Variants in KLHL32 observed in about 807,000 individuals in gnomAD.
KLHL32 encodes kelch-like protein 32.
In KLHL32, 35 loss-of-function variants were observed where a neutral mutation model predicts 64.8. That is an observed-to-expected ratio of 0.54 (90% CI 0.41 to 0.72). The LOEUF is 0.72. KLHL32 is among the 30% of genes least tolerant of loss of function. The probability of loss-of-function intolerance (pLI) is 0.00; values close to 1 mark genes in which losing one functional copy is unlikely to be tolerated. For missense variants in KLHL32, 589 were observed against 768.5 expected, an observed-to-expected ratio of 0.77 and a Z score of 2.76; for synonymous variants, 259 against 281.0, an observed-to-expected ratio of 0.92 and a Z score of 0.78.
At chr6:96,994,742 T>A in intron 3 of KLHL32, 1 of 633,894 alleles carries the variant, frequency 1.6e-6, no homozygotes, top group Non-Finnish European at 2.0e-6. Context: ...AGCCAGATAA[T>A]AATGCTTTAA....
chr6:97,041,673 A>G, intron 4 of KLHL32, 74 bp downstream of exon 4: 2 of 863,160 alleles, frequency 2.3e-6, no homozygotes, highest in Non-Finnish European at 3.8e-6. Context: ...TCCTTGAGGT[A>G]TGAGATTTAG....
chr6:97,003,616 G>T (rs943809211), intron 3 of KLHL32, among the ~76,000 whole-genome samples: 1 of 152,032 alleles, frequency 6.6e-6, no homozygotes, highest in Admixed American at 6.6e-5. Flanking sequence ...AGGATTTTTA[G>T]AGTTTTAGGT....
At chr6:97,036,432 T>A (rs1737634) in intron 3 of KLHL32, among the ~76,000 whole-genome samples, 27,346 of 152,212 alleles carry the variant, frequency 0.18, 2,932 homozygotes, top group African/African-American at 0.31. Flanking sequence ...ACATTTCATG[T>A]TCCTTGTAGC....
intron 3 of KLHL32, among the ~76,000 whole-genome samples, chr6:97,013,217 G>A (rs1337005792): frequency 6.6e-6 from 1 of 152,192 alleles, no homozygotes; most frequent in Non-Finnish European, 1.5e-5. Context: ...CATAGAAGAT[G>A]CAGATTTTAA....
chr6:96,968,088 C>G (rs192619202), intron 2 of KLHL32, among the ~76,000 whole-genome samples: 3 of 152,274 alleles, frequency 2.0e-5, no homozygotes, highest in East Asian at 3.9e-4. Flanking sequence ...TTCCATGACT[C>G]TGAAGCTATT....
intron 1 of KLHL32, among the ~76,000 whole-genome samples, chr6:96,938,551 G>A (rs2127997264): frequency 6.6e-6 from 1 of 152,246 alleles, no homozygotes; most frequent in South Asian, 2.1e-4. Flanking sequence ...GGCTGCCTGT[G>A]GACCACACTG....
chr6:97,071,010 C>T lies in KLHL32; in HGVS notation c.411+6284C>T, dbSNP rs542502311. Among the ~76,000 whole-genome samples, 7 of 152,272 alleles carry T rather than the reference C, an allele frequency of 4.6e-5. No individual in the cohort carries two copies. In the East Asian group the frequency reaches 7.7e-4, roughly 17 times the overall value. Reference sequence around the variant, plus strand: ...TTTCTGCTCCTTATTCCATCAGTTACGCCCTGTGTTTCCTCTGGTTTTGAT... The same window carrying T: ...TTTCTGCTCCTTATTCCATCAGTTATGCCCTGTGTTTCCTCTGGTTTTGAT... On this transcript the variant is annotated intron_variant, in intron 5 of 10. Transcript: ENST00000369261.
At chr6:97,124,351 A>G (rs1160610068) in intron 7 of KLHL32, among the ~76,000 whole-genome samples, 2 of 152,184 alleles carry the variant, frequency 1.3e-5, no homozygotes, top group Non-Finnish European at 2.9e-5. Context: ...AAACATTGTC[A>G]TTTGAGTGAA....
chr6:96,974,103 T>A (rs1375793960), intron 2 of KLHL32, among the ~76,000 whole-genome samples: 1 of 152,146 alleles, frequency 6.6e-6, no homozygotes, highest in Non-Finnish European at 1.5e-5. Flanking sequence ...ATACCGGATC[T>A]TGGACCTTCA....
intron 3 of KLHL32, among the ~76,000 whole-genome samples, chr6:96,988,006 G>T (rs1179503760): frequency 6.6e-6 from 1 of 152,198 alleles, no homozygotes; most frequent in African/African-American, 2.4e-5. Flanking sequence ...AACCCTAGAA[G>T]AAAACTTAGG....
At chr6:97,032,649 G>A (rs1469122807) in intron 3 of KLHL32, among the ~76,000 whole-genome samples, 4 of 152,016 alleles carry the variant, frequency 2.6e-5, no homozygotes, top group South Asian at 4.1e-4. Flanking sequence ...CAAGCAGGCC[G>A]TCAGCACATC....
intron 1 of KLHL32, among the ~76,000 whole-genome samples, chr6:96,927,346 G>A (rs888419949): frequency 9.2e-5 from 14 of 152,184 alleles, no homozygotes; most frequent in African/African-American, 3.4e-4. Context: ...AGATAATTAG[G>A]TAAAACCCAC....
intron 1 of KLHL32, among the ~76,000 whole-genome samples, chr6:96,930,618 T>G (rs1769746444): frequency 6.6e-6 from 1 of 152,128 alleles, no homozygotes; most frequent in African/African-American, 2.4e-5. Flanking sequence ...TTAAATTTCC[T>G]GAGCCATATA....
At chr6:97,112,677 C>T (rs987846851) in intron 6 of KLHL32, among the ~76,000 whole-genome samples, 1 of 151,764 alleles carries the variant, frequency 6.6e-6, no homozygotes, top group African/African-American at 2.4e-5. Flanking sequence ...AAACCCTTGA[C>T]CTCTTGATCT....
At chr6:97,100,029 C>T (rs1206287788) in intron 6 of KLHL32, among the ~76,000 whole-genome samples, 1 of 152,018 alleles carries the variant, frequency 6.6e-6, no homozygotes, top group Non-Finnish European at 1.5e-5. Flanking sequence ...CCTGTAATCC[C>T]AGCTACTCAG....
intron 3 of KLHL32, among the ~76,000 whole-genome samples, chr6:97,002,073 C>G (rs1779103781): frequency 1.3e-5 from 2 of 152,168 alleles, no homozygotes; most frequent in Non-Finnish European, 2.9e-5. Flanking sequence ...GCTGGAAACC[C>G]AGGAGAGCTG....
At chr6:96,941,698 T>A (rs1045868541) in intron 1 of KLHL32, among the ~76,000 whole-genome samples, 1 of 152,178 alleles carries the variant, frequency 6.6e-6, no homozygotes, top group Non-Finnish European at 1.5e-5. Flanking sequence ...CAGGAGCCTC[T>A]GTGGGGTTCC....
At chr6:96,994,591 CT>C (rs1778224487) in intron 3 of KLHL32, 1 of 985,232 alleles carries the variant, frequency 1.0e-6, no homozygotes. Flanking sequence ...TTTGATGGAT[CT>C]TTTCCTTTAT....
chr6:96,898,149 A>T, the KLHL32 span, among the ~76,000 whole-genome samples: 1 of 152,160 alleles, frequency 6.6e-6, no homozygotes, highest in Admixed American at 6.5e-5. Context: ...CCTACCCCAG[A>T]CTTTCTGATT....
Sources: allele counts gnomAD v4.1 joint callset (sites outside exome capture counted in the v4.1 genomes callset), GRCh38; gene constraint gnomAD v4.1.1; transcripts MANE v1.5; gene names NCBI Gene and HGNC (gene_info 2026-07-23, HGNC 2026-07-21).